The following POLE2 variants were observed in gnomAD, a reference collection of about 807,000 sequenced individuals.
POLE2 encodes DNA polymerase epsilon subunit 2.
Under a neutral mutation model 79.4 loss-of-function variants are expected in POLE2, and 56 were observed. That is an observed-to-expected ratio of 0.71 (90% CI 0.57 to 0.88). The LOEUF (loss-of-function observed/expected upper bound fraction) is 0.88. POLE2 is among the 40% of genes least tolerant of loss of function. The pLI is 0.00. For synonymous variants in POLE2, 212 were observed against 214.0 expected, an observed-to-expected ratio of 0.99 and a Z score of 0.08; for missense variants, 598 against 638.9, an observed-to-expected ratio of 0.94 and a Z score of 0.69.
At position 49,671,147 on chromosome 14, in the gene POLE2, CAG is replaced by C. The variant is rs199727815; in HGVS notation, c.418-1551_418-1550del. On this transcript the variant is annotated intron_variant, in intron 5 of 18. Transcript: ENST00000216367. ...GGGATAAGTGGCACACCCACCATAACAGAGTAGACTTCAAAACATACTTAAGA... is the reference window on the plus strand; with the variant it reads ...GGGATAAGTGGCACACCCACCATAACAGTAGACTTCAAAACATACTTAAGA... Among the ~76,000 whole-genome samples the C allele has an allele frequency of 7.3e-3, 1,110 of 152,300 alleles. 12 individuals are homozygous for C. The highest frequency in any genetic ancestry group is 0.025 in the African/African-American group (1,048 of 41,570).
chr14:49,645,915 G>A (rs45481101), intron 18 of POLE2, among the ~76,000 whole-genome samples: 7,042 of 152,278 alleles, frequency 0.046, 524 homozygotes, highest in African/African-American at 0.16. Context: ...ACAGGTGTGA[G>A]CCACCACGAA....
chr14:49,681,241 A>T (rs766045822), intron 2 of POLE2: 2 of 204,520 alleles, frequency 9.8e-6, no homozygotes, highest in Admixed American at 4.6e-5. Context: ...TAAGTATTTA[A>T]CAAAAAGGTC....
At chr14:49,651,148 T>C in intron 16 of POLE2, 121 bp downstream of exon 16, 1 of 517,626 alleles carries the variant, frequency 1.9e-6, no homozygotes, top group Admixed American at 3.5e-5. Context: ...CAAAAGTACG[T>C]TCAAACTATT....
chr14:49,658,483 A>C (rs911863682), intron 10 of POLE2, among the ~76,000 whole-genome samples: 6 of 152,218 alleles, frequency 3.9e-5, no homozygotes, highest in African/African-American at 1.4e-4. Context: ...CTGTTCTGCT[A>C]AGCATAAATG....
At chr14:49,665,998 G>T (rs1163552049) in intron 7 of POLE2, among the ~76,000 whole-genome samples, 1 of 152,008 alleles carries the variant, frequency 6.6e-6, no homozygotes, top group Non-Finnish European at 1.5e-5. Flanking sequence ...GGCTAATTTT[G>T]TATTTTTAGT....
intron 10 of POLE2, among the ~76,000 whole-genome samples, chr14:49,662,577 A>C (rs1885170702): frequency 6.6e-6 from 1 of 152,220 alleles, no homozygotes; most frequent in South Asian, 2.1e-4. Context: ...GCACACATAC[A>C]TGCCCTGCCC....
chr14:49,656,880 G>T (rs913123051), intron 10 of POLE2, among the ~76,000 whole-genome samples: 1 of 152,082 alleles, frequency 6.6e-6, no homozygotes, highest in Non-Finnish European at 1.5e-5. Flanking sequence ...AGGCCGAGGT[G>T]GGGGGATTGC....
intron 17 of POLE2, among the ~76,000 whole-genome samples, chr14:49,649,661 G>A (rs939258865): frequency 1.3e-5 from 2 of 151,426 alleles, no homozygotes; most frequent in African/African-American, 4.9e-5. Context: ...ATGTTGGTCA[G>A]GCTGGTCTTG....
In POLE2 at chr14:49,668,264, T is replaced by G. The variant is rs570599201; in HGVS notation, c.492+1260A>C. ...CAGCCTGGGTGACAGAGCAAGACTC[T>G]GCCAGAAAGAAAGGAAAGGAAAGGG... is the stretch of plus-strand genomic sequence containing the variant. On this transcript the variant is annotated intron_variant, in intron 6 of 18. Transcript: ENST00000216367. 2.0e-5 allele frequency among the ~76,000 whole-genome samples: 3 copies of G among 151,534 alleles called. No homozygotes were observed. The South Asian group carries it at 6.3e-4, about 32-fold the overall frequency.
chr14:49,677,763 C>G, intron 3 of POLE2: 1 of 1,192,350 alleles, frequency 8.4e-7, no homozygotes, highest in East Asian at 2.9e-5. Context: ...ACGCATTCTT[C>G]AGGAGTGTGG....
chr14:49,680,878 G>A (rs962985325), intron 2 of POLE2, among the ~76,000 whole-genome samples: 10 of 151,884 alleles, frequency 6.6e-5, no homozygotes, highest in African/African-American at 1.7e-4. Flanking sequence ...TGATCCGCCC[G>A]CCTCAGCCTC....
intron 3 of POLE2, among the ~76,000 whole-genome samples, chr14:49,674,765 C>T (rs1178686176): frequency 3.3e-5 from 5 of 151,798 alleles, no homozygotes; most frequent in East Asian, 1.9e-4. Flanking sequence ...GGGGTTTCTC[C>T]GTGTTGGTCA....
intron 18 of POLE2, among the ~76,000 whole-genome samples, chr14:49,644,219 T>TA (rs1468120833): frequency 2.7e-5 from 4 of 148,322 alleles, no homozygotes; most frequent in African/African-American, 4.9e-5. Flanking sequence ...GACTAATTTT[T>TA]AAAAAAAGTA....
intron 11 of POLE2, among the ~76,000 whole-genome samples, chr14:49,655,458 A>AACACACACAC (rs35575577): frequency 0.011 from 1,513 of 143,484 alleles, 37 homozygotes; most frequent in African/African-American, 0.037. Context: ...CATGACTATA[A>AACACACACAC]ACACACACAC....
chr14:49,677,496 C>T (rs1458017689), intron 3 of POLE2: 2 of 487,358 alleles, frequency 4.1e-6, no homozygotes, highest in Non-Finnish European at 7.5e-6. Context: ...ATGAATCAAG[C>T]ATGCCTCACA....
At chr14:49,656,601 G>T (rs1884696484) in intron 10 of POLE2, among the ~76,000 whole-genome samples, 1 of 152,108 alleles carries the variant, frequency 6.6e-6, no homozygotes, top group South Asian at 2.1e-4. Flanking sequence ...TCAAAGCTTG[G>T]TTTTATTCAA....
chr14:49,683,826 CT>C (rs1886912981), intron 1 of POLE2, 133 bp from the exon 2 acceptor site: 1 of 552,236 alleles, frequency 1.8e-6, no homozygotes, highest in African/African-American at 1.9e-5. Context: ...TCAAGTAGCA[CT>C]TTATCTTTCC....
chr14:49,658,455 G>A (rs573049359), intron 10 of POLE2, among the ~76,000 whole-genome samples: 3 of 152,270 alleles, frequency 2.0e-5, no homozygotes, highest in East Asian at 3.9e-4. Flanking sequence ...TGCATGCCAG[G>A]TGACTCAAAA....
intron 17 of POLE2, 119 bp from the exon 18 acceptor site, chr14:49,647,479 A>C (rs959944317): frequency 1.3e-5 from 4 of 304,952 alleles, no homozygotes; most frequent in Non-Finnish European, 2.4e-5. Flanking sequence ...TTTTTTTGAG[A>C]CATGGTCTCA....
Sources: allele counts gnomAD v4.1 joint callset (sites outside exome capture counted in the v4.1 genomes callset), GRCh38; gene constraint gnomAD v4.1.1; transcripts MANE v1.5; gene names NCBI Gene and HGNC (gene_info 2026-07-23, HGNC 2026-07-21).